The following ESR2 variants were observed in gnomAD, a reference collection of about 807,000 sequenced individuals.
ESR2 encodes estrogen receptor 2.
In ESR2, 36 loss-of-function variants were observed where a neutral mutation model predicts 49.6. That is an observed-to-expected ratio of 0.73 (90% confidence interval 0.56 to 0.96). The LOEUF is 0.96. Ranked by LOEUF, ESR2 falls within the 40% of genes least tolerant of loss-of-function variation. ESR2 has a pLI of 0.00. For missense variants in ESR2, 714 were observed against 693.0 expected, an observed-to-expected ratio of 1.03 and a Z score of -0.34; for synonymous variants, 320 against 266.1, an observed-to-expected ratio of 1.20 and a Z score of -1.97.
At chr14:64,250,088 C>T (rs1013043514) in intron 6 of ESR2, among the ~76,000 whole-genome samples, 1 of 152,182 alleles carries the variant, frequency 6.6e-6, no homozygotes, top group Non-Finnish European at 1.5e-5. Flanking sequence ...ATGTTCCCAT[C>T]GGGAAGTATT....
At chr14:64,258,900 A>G (rs2076157114) in intron 5 of ESR2, among the ~76,000 whole-genome samples, 1 of 152,188 alleles carries the variant, frequency 6.6e-6, no homozygotes, top group Admixed American at 6.5e-5. Context: ...TATGCCAGCT[A>G]AGAGAGGAGA....
intron 7 of ESR2, among the ~76,000 whole-genome samples, chr14:64,236,581 G>C (rs543817893): frequency 2.0e-5 from 3 of 152,196 alleles, no homozygotes; most frequent in Middle Eastern, 6.8e-3. Context: ...CTCATCTGCA[G>C]TTCCCACCAC....
intron 1 of ESR2, among the ~76,000 whole-genome samples, chr14:64,293,521 G>A (rs2076905841): frequency 6.6e-6 from 1 of 152,196 alleles, no homozygotes; most frequent in Admixed American, 6.5e-5. Flanking sequence ...GGGTGTTAGA[G>A]GGCAGTTGTT....
In ESR2 at chr14:64,260,688, T is replaced by TG; in HGVS notation, c.712dup (p.Gln238ProfsTer39). The TG allele has an allele frequency of 6.4e-7, 1 of 1,556,594 alleles. No individual in the cohort carries two copies. Among genetic ancestry groups the TG allele is most frequent in the East Asian group, 2.3e-5 (1 of 42,574 alleles). On this transcript the variant is annotated frameshift_variant, in exon 5 of 9. Transcript: ENST00000341099. LOFTEE classifies it high-confidence loss of function. ...CTTGGCCTTGCCGGCACAGTGCAGC[T>TG]GCTCGTCGGCACTTCTCTGTCTCCG...
intron 1 of ESR2, among the ~76,000 whole-genome samples, chr14:64,308,161 C>T (rs1412548081): frequency 6.6e-6 from 1 of 152,052 alleles, no homozygotes; most frequent in African/African-American, 2.4e-5. Flanking sequence ...ACCACAAGTG[C>T]ATGACACCCT....
intron 1 of ESR2, chr14:64,301,427 T>C (rs1204620551): frequency 1.3e-5 from 2 of 152,262 alleles, no homozygotes; most frequent in Admixed American, 6.5e-5. Context: ...CACAGGTGCA[T>C]GGGCCCAGCC....
intron 1 of ESR2, among the ~76,000 whole-genome samples, chr14:64,302,600 T>A (rs1249622825): frequency 6.6e-6 from 1 of 152,060 alleles, no homozygotes; most frequent in Non-Finnish European, 1.5e-5. Context: ...AGCCACTGGG[T>A]GATTTCATGA....
intron 8 of ESR2, 102 bp from the exon 9 acceptor site, chr14:64,233,425 C>T: frequency 9.1e-7 from 1 of 1,098,154 alleles, no homozygotes; most frequent in Admixed American, 2.1e-5. Context: ...CTACCCCACC[C>T]CTAAACCCAC....
At chr14:64,325,572 G>A (rs1418989987) in intron 1 of ESR2, among the ~76,000 whole-genome samples, 1 of 152,078 alleles carries the variant, frequency 6.6e-6, no homozygotes, top group Non-Finnish European at 1.5e-5. Context: ...AAGAAAATTA[G>A]TTAAGGCAAA....
chr14:64,244,423 A>G (rs1002720707), intron 7 of ESR2, among the ~76,000 whole-genome samples: 4 of 151,502 alleles, frequency 2.6e-5, no homozygotes, highest in Non-Finnish European at 4.4e-5. Context: ...AAGAAAGAAC[A>G]GTGGACTAAG....
intron 1 of ESR2, among the ~76,000 whole-genome samples, chr14:64,317,373 T>A (rs1003509128): frequency 3.9e-5 from 6 of 152,226 alleles, no homozygotes; most frequent in African/African-American, 1.4e-4. Flanking sequence ...GCGGGGCATC[T>A]GCTCAGCTTC....
At chr14:64,270,924 T>C (rs1261268731) in intron 3 of ESR2, among the ~76,000 whole-genome samples, 2 of 152,240 alleles carry the variant, frequency 1.3e-5, no homozygotes, top group Non-Finnish European at 2.9e-5. Flanking sequence ...TCCATGTTTG[T>C]TGCAGCATTG....
At chr14:64,337,908 A>T (rs1452521934) in exon 1 of ESR2, 1 of 152,324 alleles carries the variant, frequency 6.6e-6, no homozygotes, top group East Asian at 1.9e-4. Flanking sequence ...CTTCAGAACC[A>T]TATTGGGATG....
At position 64,230,038 on chromosome 14, in the gene ESR2, G is replaced by A. The variant is rs2098725757; in HGVS notation, c.*3099C>T. ...TACAAATATTAAAAGAATTAGCCAG[G>A]AGTGGTGGTGTGCACCCCAGCTACT... On this transcript the variant is annotated 3_prime_UTR_variant, in exon 9 of 9. Coordinates refer to ENST00000341099, the MANE Select transcript of ESR2 (RefSeq NM_001437.3). 6.6e-6 allele frequency among the ~76,000 whole-genome samples: 1 copy of A among 151,884 alleles called. No homozygotes were observed. The highest frequency in any genetic ancestry group is 6.6e-5 in the Admixed American group (1 of 15,240).
intron 5 of ESR2, chr14:64,260,176 G>C (rs2076182806): frequency 1.4e-6 from 1 of 691,422 alleles, no homozygotes; most frequent in African/African-American, 1.7e-5. Context: ...AATAGAAATG[G>C]CTGGGCCACG....
chr14:64,228,251 A>C (rs2098723997), downstream of ESR2, among the ~76,000 whole-genome samples: 1 of 152,240 alleles, frequency 6.6e-6, no homozygotes. Context: ...AAGAATTCAG[A>C]ATAGAATGTA....
Position 64,233,155 on chromosome 14 carries a change from C to T in ESR2, c.1575G>A (p.Gln525=), listed in dbSNP as rs758569519. 4 of 1,613,806 alleles carry T rather than the reference C, an allele frequency of 2.5e-6. No homozygotes were observed. In the Admixed American group the frequency reaches 6.7e-5, roughly 27 times the overall value. Residue 525 remains glutamine (Q), a synonymous_variant, in exon 9 of 9, where the codon CAG becomes CAA. Transcript: ENST00000341099. ...CCAGGCGTCACTGAGACTGTGGGTT[C>T]TGGGAGCCCTCTTTGCTTTTACTGT... ...AEDSKSKEGS[Q]NPQSQ
intron 1 of ESR2, among the ~76,000 whole-genome samples, chr14:64,289,603 G>A (rs545557286): frequency 6.6e-6 from 1 of 152,056 alleles, no homozygotes; most frequent in South Asian, 2.1e-4. Context: ...CCAGTCTATT[G>A]GTATATCACT....
At chr14:64,264,343 G>T (rs1214579665) in intron 4 of ESR2, among the ~76,000 whole-genome samples, 1 of 152,106 alleles carries the variant, frequency 6.6e-6, no homozygotes, top group Admixed American at 6.5e-5. Flanking sequence ...CAGAAAATTT[G>T]AACCAAATTT....
Sources: allele counts gnomAD v4.1 joint callset (sites outside exome capture counted in the v4.1 genomes callset), GRCh38; gene constraint gnomAD v4.1.1; transcripts MANE v1.5; gene names NCBI Gene and HGNC (gene_info 2026-07-23, HGNC 2026-07-21).